Variants in CSMD1 observed in about 807,000 individuals in gnomAD.
The protein encoded by CSMD1 is CUB and sushi domain-containing protein 1.
In CSMD1, 213 loss-of-function variants were observed where a neutral mutation model predicts 417.5. The observed-to-expected ratio is 0.51, with a 90% CI of 0.46 to 0.57. CSMD1 has a LOEUF of 0.57. Ranked by LOEUF, CSMD1 falls within the 20% of genes least tolerant of loss-of-function variation. The pLI is 0.00. For missense variants in CSMD1, 6,923 were observed against 4,529.7 expected, an observed-to-expected ratio of 1.53 and a Z score of -15.17; for synonymous variants, 2,862 against 1,736.8, an observed-to-expected ratio of 1.65 and a Z score of -16.11.
At chr8:4,767,479 C>G (rs377265426) in intron 1 of CSMD1, among the ~76,000 whole-genome samples, 11 of 152,150 alleles carry the variant, frequency 7.2e-5, no homozygotes, top group African/African-American at 2.7e-4. Context: ...CCTCCCTCAC[C>G]GCTGGCTGCT....
intron 37 of CSMD1, among the ~76,000 whole-genome samples, chr8:3,168,270 T>C (rs1424821679): frequency 1.3e-5 from 2 of 152,214 alleles, no homozygotes; most frequent in Admixed American, 6.5e-5. Flanking sequence ...TTCTCTAATT[T>C]TGAAAAGACA....
At chr8:3,929,198 C>A (rs756899450) in intron 5 of CSMD1, among the ~76,000 whole-genome samples, 1 of 150,272 alleles carries the variant, frequency 6.7e-6, no homozygotes, top group Non-Finnish European at 1.5e-5. Context: ...AAAGCTCTTG[C>A]CTCTGCACAT....
chr8:3,694,984 G>C (rs759965546), intron 7 of CSMD1, among the ~76,000 whole-genome samples: 2 of 151,964 alleles, frequency 1.3e-5, no homozygotes, highest in Non-Finnish European at 2.9e-5. Flanking sequence ...TCCTACCTGA[G>C]TTTTTAAAGA....
At chr8:3,597,944 C>A (rs1203534509) in intron 8 of CSMD1, among the ~76,000 whole-genome samples, 1 of 152,146 alleles carries the variant, frequency 6.6e-6, no homozygotes, top group Non-Finnish European at 1.5e-5. Flanking sequence ...ATGTAACAAA[C>A]CTGCACGTTG....
chr8:3,691,091 G>A (rs1220997273), intron 7 of CSMD1, among the ~76,000 whole-genome samples: 2 of 152,086 alleles, frequency 1.3e-5, no homozygotes, highest in Non-Finnish European at 2.9e-5. Flanking sequence ...AATGGGCCGG[G>A]CTTGGTGGCT....
At chr8:3,295,088 G>A (rs561632576) in intron 25 of CSMD1, among the ~76,000 whole-genome samples, 5 of 151,954 alleles carry the variant, frequency 3.3e-5, no homozygotes, top group African/African-American at 1.2e-4. Flanking sequence ...TGACATGTGT[G>A]TGCTTGTATC....
chr8:3,486,250 G>A (rs1818025625), intron 11 of CSMD1, among the ~76,000 whole-genome samples: 1 of 146,772 alleles, frequency 6.8e-6, no homozygotes, highest in African/African-American at 2.6e-5. Flanking sequence ...TCCTTGTACT[G>A]TACTTTTAAT....
At position 4,881,960 on chromosome 8, in the gene CSMD1, A is replaced by T. The variant is rs73659220; in HGVS notation, c.85+112372T>A. 4.0e-3 allele frequency among the ~76,000 whole-genome samples: 607 copies of T among 152,122 alleles called. 10 individuals are homozygous for T. Among genetic ancestry groups the T allele is most frequent in the African/African-American group, 0.013 (535 of 41,446 alleles). On this transcript the variant is annotated intron_variant, in intron 1 of 69. Coordinates refer to ENST00000635120, the MANE Select transcript of CSMD1 (RefSeq NM_033225.6). ...GGAGAATCAGCTTCATGCAATGAAA[A>T]GGATATGACATGGGGCTCAGCTATA...
intron 12 of CSMD1, among the ~76,000 whole-genome samples, chr8:3,453,507 T>G (rs1815891367): frequency 6.6e-6 from 1 of 152,226 alleles, no homozygotes; most frequent in Admixed American, 6.5e-5. Flanking sequence ...TTCTGGTATG[T>G]TGTGTCTTTG....
intron 7 of CSMD1, among the ~76,000 whole-genome samples, chr8:3,633,192 T>G (rs1796868407): frequency 6.6e-6 from 1 of 152,230 alleles, no homozygotes; most frequent in African/African-American, 2.4e-5. Context: ...ACACCTTTTC[T>G]CACAGAACTC....
chr8:3,909,468 A>C (rs938915961), intron 5 of CSMD1, among the ~76,000 whole-genome samples: 1 of 152,126 alleles, frequency 6.6e-6, no homozygotes, highest in African/African-American at 2.4e-5. Context: ...CTCCTGAGAC[A>C]GCAGTGCGGA....
chr8:4,815,747 T>C (rs1186006535), intron 1 of CSMD1, among the ~76,000 whole-genome samples: 1 of 151,008 alleles, frequency 6.6e-6, no homozygotes, highest in African/African-American at 2.4e-5. Flanking sequence ...TAAATCTTTT[T>C]AAAAGGAGTT....
intron 23 of CSMD1, among the ~76,000 whole-genome samples, chr8:3,318,430 G>A (rs557013985): frequency 6.6e-5 from 10 of 152,126 alleles, no homozygotes; most frequent in Non-Finnish European, 1.0e-4. Flanking sequence ...GCTAGACGCC[G>A]AAGATACAAA....
chr8:4,771,825 C>T (rs931453248), intron 1 of CSMD1, among the ~76,000 whole-genome samples: 2 of 152,134 alleles, frequency 1.3e-5, no homozygotes, highest in East Asian at 1.9e-4. Flanking sequence ...TTTCCATCAA[C>T]GATACCTTTT....
chr8:4,328,481 AC>A (rs763353973), intron 3 of CSMD1, among the ~76,000 whole-genome samples: 41 of 152,090 alleles, frequency 2.7e-4, no homozygotes, highest in Non-Finnish European at 4.9e-4. Context: ...CAGGGGACTT[AC>A]AAAAATTAGA....
At chr8:3,603,457 G>A (rs771394419) in intron 8 of CSMD1, among the ~76,000 whole-genome samples, 7 of 152,102 alleles carry the variant, frequency 4.6e-5, no homozygotes, top group Non-Finnish European at 8.8e-5. Flanking sequence ...TGGACTGAGC[G>A]CCCAATCCCA....
At chr8:4,059,973 G>T (rs552021045) in intron 3 of CSMD1, among the ~76,000 whole-genome samples, 9 of 152,046 alleles carry the variant, frequency 5.9e-5, no homozygotes, top group Non-Finnish European at 1.2e-4. Context: ...TACCAAAGCC[G>T]GGCAGAGACA....
chr8:4,061,008 G>A (rs531570880), intron 3 of CSMD1, among the ~76,000 whole-genome samples: 2 of 152,264 alleles, frequency 1.3e-5, no homozygotes, highest in African/African-American at 4.8e-5. Context: ...GCAAAAAAGA[G>A]AATTAATTTC....
intron 7 of CSMD1, among the ~76,000 whole-genome samples, chr8:3,630,639 G>A (rs1054810763): frequency 6.6e-6 from 1 of 152,162 alleles, no homozygotes; most frequent in Non-Finnish European, 1.5e-5. Flanking sequence ...AGGGTTGAAG[G>A]GCAGCAGACA....
Sources: allele counts gnomAD v4.1 joint callset (sites outside exome capture counted in the v4.1 genomes callset), GRCh38; gene constraint gnomAD v4.1.1; transcripts MANE v1.5; gene names NCBI Gene and HGNC (gene_info 2026-07-23, HGNC 2026-07-21).